The following ZNF514 variants were observed in gnomAD, a reference collection of about 807,000 sequenced individuals.
ZNF514 encodes zinc finger protein 514.
ZNF514 carries 12 observed loss-of-function variants against 9.7 expected under a neutral mutation model. That is an observed-to-expected ratio of 1.24 (90% confidence interval 0.79 to 2.01). The LOEUF is 2.01. Among genes scored for constraint, ZNF514 ranks in the 30% most tolerant of loss-of-function variants. The pLI is 0.00. For missense variants in ZNF514, 467 were observed against 465.5 expected (o/e 1.00, Z -0.03); for synonymous variants, 158 against 163.7 (o/e 0.97, Z 0.27).
In ZNF514 at chr2:95,145,878, T is replaced by C. The variant is rs144904914; in HGVS notation, c.*3404A>G. Among the ~76,000 whole-genome samples the C allele has an allele frequency of 5.7e-3, 874 of 152,352 alleles. 10 individuals are homozygous for C. The highest frequency in any genetic ancestry group is 0.02 in the African/African-American group (812 of 41,588). ...AAAATCCTTTGCACTTCCTACAAGA[T>C]AAATCCTCACTCCCGTGTTTGGTAA... On this transcript the variant is annotated 3_prime_UTR_variant, in exon 5 of 5. Coordinates refer to ENST00000295208, the MANE Select transcript of ZNF514 (RefSeq NM_032788.3).
chr2:95,126,109 G>A, the ZNF514 span, among the ~76,000 whole-genome samples: 3 of 152,228 alleles, frequency 2.0e-5, no homozygotes, highest in East Asian at 1.9e-4. Flanking sequence ...GGTGGCTCAC[G>A]CCTGTAATCC....
intron 4 of ZNF514, among the ~76,000 whole-genome samples, chr2:95,151,434 G>T (rs1240606745): frequency 6.6e-6 from 1 of 152,168 alleles, no homozygotes; most frequent in African/African-American, 2.4e-5. Flanking sequence ...TATTGGTTCT[G>T]CCAACAACCC....
At chr2:95,158,546 G>A (rs900816359) in intron 1 of ZNF514, among the ~76,000 whole-genome samples, 3 of 152,198 alleles carry the variant, frequency 2.0e-5, no homozygotes, top group Non-Finnish European at 2.9e-5. Flanking sequence ...GAGCTAGAAC[G>A]ACTGGAAGAA....
At chr2:95,124,646 G>A in the ZNF514 span, among the ~76,000 whole-genome samples, 2 of 151,826 alleles carry the variant, frequency 1.3e-5, no homozygotes, top group South Asian at 2.1e-4. Flanking sequence ...GATTACAGGC[G>A]TGTCCCATTA....
At chr2:95,135,291 AAT>A in the ZNF514 span, among the ~76,000 whole-genome samples, 4 of 152,050 alleles carry the variant, frequency 2.6e-5, no homozygotes, top group African/African-American at 4.8e-5. Flanking sequence ...TAGCTTTCAG[AAT>A]ATGTTTTGCC....
chr2:95,131,030 T>A, the ZNF514 span, among the ~76,000 whole-genome samples: 2,375 of 152,342 alleles, frequency 0.016, 18 homozygotes, highest in Non-Finnish European at 0.022. Context: ...ATCTTCACAA[T>A]TCACGTTCTT....
the ZNF514 span, among the ~76,000 whole-genome samples, chr2:95,136,545 CT>C: frequency 6.6e-6 from 1 of 151,770 alleles, no homozygotes; most frequent in African/African-American, 2.4e-5. Flanking sequence ...CCACACCTGG[CT>C]CTATTATTCT....
chr2:95,136,049 C>A, the ZNF514 span, among the ~76,000 whole-genome samples: 13 of 151,682 alleles, frequency 8.6e-5, no homozygotes, highest in Non-Finnish European at 1.8e-4. Flanking sequence ...GGCGACAGAG[C>A]GAGACTCCAT....
At chr2:95,140,812 TA>T (rs762347210), downstream of ZNF514, among the ~76,000 whole-genome samples, 14 of 151,596 alleles carry the variant, frequency 9.2e-5, no homozygotes, top group Non-Finnish European at 2.1e-4. Context: ...CCGTCTCTAC[TA>T]AAAATACAAA....
chr2:95,144,744 TATAA>T (rs1435780638), downstream of ZNF514, among the ~76,000 whole-genome samples: 1 of 152,214 alleles, frequency 6.6e-6, no homozygotes, highest in Non-Finnish European at 1.5e-5. Context: ...ACCAATTGAT[TATAA>T]GTAAAGGTAG....
chr2:95,152,606 A>T (rs1397892991), intron 4 of ZNF514, 68 bp downstream of exon 4: 1 of 1,340,906 alleles, frequency 7.5e-7, no homozygotes, highest in Non-Finnish European at 1.1e-6. Flanking sequence ...ACACTGACCA[A>T]AGGCTCTGGG....
intron 2 of ZNF514, among the ~76,000 whole-genome samples, chr2:95,157,028 C>T (rs1673706685): frequency 6.6e-6 from 1 of 152,208 alleles, no homozygotes; most frequent in Admixed American, 6.5e-5. Flanking sequence ...TTACTGGTGG[C>T]TGCGTCCTGG....
At chr2:95,130,913 A>G in the ZNF514 span, among the ~76,000 whole-genome samples, 7 of 152,376 alleles carry the variant, frequency 4.6e-5, no homozygotes, top group South Asian at 1.0e-3. Flanking sequence ...TGGGGAAGTG[A>G]TAAGTGTCCA....
intron 2 of ZNF514, among the ~76,000 whole-genome samples, chr2:95,156,275 TCCAG>T (rs1162258565): frequency 6.6e-5 from 10 of 152,286 alleles, no homozygotes; most frequent in Admixed American, 6.5e-4. Flanking sequence ...CCCCTCCACA[TCCAG>T]CTCACTAGAG....
rs749636007 is a variant in ZNF514 at position 95,149,967 on chromosome 2, A to T, written c.518T>A (p.Leu173His). The change falls in exon 5 of 5, where the codon CTC (leucine) becomes CAC (histidine). Residue 173 changes from leucine to histidine, a missense_variant. Transcript: ENST00000295208. ...RSVLVNQHSI[L>H]MGEGSYKCDT... ...ACATTTATAAGATCCTTCTCCCATG[A>T]GAATGCTGTGTTGGTTAACAAGGAC... 2 of 1,614,216 alleles carry T rather than the reference A, an allele frequency of 1.2e-6. No individual in the cohort carries two copies. Among genetic ancestry groups the T allele is most frequent in the Admixed American group, 3.3e-5 (2 of 60,028 alleles).
At chr2:95,143,298 T>C (rs932438182), downstream of ZNF514, among the ~76,000 whole-genome samples, 1 of 152,296 alleles carries the variant, frequency 6.6e-6, no homozygotes, top group Non-Finnish European at 1.5e-5. Context: ...ATTTTCATAT[T>C]GATTTGTTTG....
the ZNF514 span, among the ~76,000 whole-genome samples, chr2:95,128,805 A>G: frequency 6.6e-6 from 1 of 151,830 alleles, no homozygotes; most frequent in East Asian, 1.9e-4. Flanking sequence ...GGAGGAGGAG[A>G]AGGAAAGGTG....
chr2:95,132,840 C>T, the ZNF514 span, among the ~76,000 whole-genome samples: 1 of 130,440 alleles, frequency 7.7e-6, no homozygotes, highest in African/African-American at 3.0e-5. Flanking sequence ...TGCACTTCAG[C>T]TTGGGCAACA....
Position 95,146,114 on chromosome 2 carries a change from T to C in ZNF514, c.*3168A>G, listed in dbSNP as rs545684072. ...TTTTGTTAGTCTTAAGGTCTCTGTT[T>C]TAAGGCAAATGCTGGTCAACTGTGC... On this transcript the variant is annotated 3_prime_UTR_variant, in exon 5 of 5. Transcript: ENST00000295208. Among the ~76,000 whole-genome samples the C allele has an allele frequency of 1.3e-3, 201 of 152,346 alleles. 1 individual carries two copies. The highest frequency in any genetic ancestry group is 4.6e-3 in the African/African-American group (191 of 41,576).
Sources: gnomAD v4.1 joint callset for allele counts (sites outside exome capture counted in the v4.1 genomes callset) on GRCh38, gnomAD v4.1.1 for gene constraint, MANE v1.5 for transcripts, NCBI Gene and HGNC (gene_info 2026-07-23, HGNC 2026-07-21) for gene names.